The following IL1RAPL2 variants were observed in gnomAD, a reference collection of about 807,000 sequenced individuals.
IL1RAPL2 encodes the protein X-linked interleukin-1 receptor accessory protein-like 2.
IL1RAPL2 carries 3 observed loss-of-function variants against 44.1 expected under a neutral mutation model. The observed-to-expected ratio is 0.07, with a 90% CI of 0.03 to 0.18. The LOEUF is 0.18. IL1RAPL2 is among the 10% of genes least tolerant of loss of function. The pLI is 1.00. For synonymous variants in IL1RAPL2, 181 were observed against 178.8 expected, an observed-to-expected ratio of 1.01 and a Z score of -0.10; for missense variants, 391 against 496.4, an observed-to-expected ratio of 0.79 and a Z score of 2.02.
chrX:104,659,043 T>C, intron 2 of IL1RAPL2, 48 bp downstream of exon 2: 2 of 932,343 alleles, frequency 2.1e-6, no homozygotes, highest in South Asian at 4.2e-5. Flanking sequence ...TGTACAGTTT[T>C]GTGAGCACCC....
chrX:105,292,457 C>T (rs2034621241), intron 5 of IL1RAPL2, among the ~76,000 whole-genome samples: 1 of 111,796 alleles, frequency 8.9e-6, no homozygotes, highest in African/African-American at 3.2e-5. Flanking sequence ...AAAATACTTC[C>T]TTATTTTCCG....
intron 2 of IL1RAPL2, among the ~76,000 whole-genome samples, chrX:104,890,368 G>A (rs1467172849): frequency 2.7e-5 from 3 of 111,811 alleles, no homozygotes; most frequent in Non-Finnish European, 5.6e-5. Flanking sequence ...TTGAGGAATT[G>A]CCACACTGTC....
intron 2 of IL1RAPL2, among the ~76,000 whole-genome samples, chrX:105,076,433 T>C (rs1216876049): frequency 4.5e-5 from 5 of 111,982 alleles, no homozygotes; most frequent in African/African-American, 1.6e-4. Context: ...TCTGTTCTTT[T>C]ACATTTGCTG....
At chrX:105,457,033 TACACACACACACACACACACAC>T (rs58305468) in intron 5 of IL1RAPL2, among the ~76,000 whole-genome samples, 7 of 85,322 alleles carry the variant, frequency 8.2e-5, no homozygotes, top group African/African-American at 1.3e-4. Context: ...TCTAAAGTTA[TACACACACACACACACACACAC>T]ACACACACAC....
chrX:105,342,642 A>G (rs1215001221), intron 5 of IL1RAPL2, among the ~76,000 whole-genome samples: 1 of 112,184 alleles, frequency 8.9e-6, no homozygotes, highest in Non-Finnish European at 1.9e-5. Flanking sequence ...TTAATCATTA[A>G]TGAACCAGAC....
chrX:104,985,669 G>GAGACATTC (rs1379396097), intron 2 of IL1RAPL2, among the ~76,000 whole-genome samples: 1 of 111,625 alleles, frequency 9.0e-6, no homozygotes, highest in African/African-American at 3.3e-5. Flanking sequence ...CCAGAATTTA[G>GAGACATTC]TGAAGAGAGT....
At position 105,755,217 on chromosome X, in the gene IL1RAPL2, G is replaced by A. The variant is rs780633227; in HGVS notation, c.1233G>A (p.Val411=). 1 of 1,199,544 alleles carries A rather than the reference G, an allele frequency of 8.3e-7. No homozygotes were observed. The highest frequency in any genetic ancestry group is 1.8e-5 in the South Asian group (1 of 55,893). The change falls in exon 10 of 11, where the codon GTG becomes GTA. Residue 411 remains valine, a synonymous_variant. Transcript: ENST00000372582. ...EYDAYLSYTK[V]DQDTLDCDNP... ...ATGCCTATCTCTCTTACACAAAAGTGGACCAAGATACTTTAGACTGTGACA... is the reference window on the plus strand; with the variant it reads ...ATGCCTATCTCTCTTACACAAAAGTAGACCAAGATACTTTAGACTGTGACA...
At chrX:105,686,723 C>T (rs2037981167) in intron 6 of IL1RAPL2, among the ~76,000 whole-genome samples, 1 of 111,521 alleles carries the variant, frequency 9.0e-6, no homozygotes, top group Non-Finnish European at 1.9e-5. Flanking sequence ...ACAAGCAGAC[C>T]TAATAGACAT....
rs907707601 is a variant in IL1RAPL2 at position 105,525,368 on chromosome X, TCTAAC to T, written c.772+40984_772+40988del. 2.7e-5 allele frequency among the ~76,000 whole-genome samples: 3 copies of T among 110,885 alleles called. No homozygotes were observed. In the Admixed American group the frequency reaches 2.9e-4, roughly 11 times the overall value. ...TTACTCTGAATTGGTAAAAAAAAAA[TCTAAC>T]CTTTTAGTATAAGGCTTTGAAAATA... On this transcript the variant is annotated intron_variant, in intron 6 of 10. Coordinates refer to ENST00000372582, the MANE Select transcript of IL1RAPL2 (RefSeq NM_017416.2).
chrX:104,797,718 C>G (rs1932859379), intron 2 of IL1RAPL2, among the ~76,000 whole-genome samples: 1 of 112,046 alleles, frequency 8.9e-6, no homozygotes, highest in South Asian at 3.7e-4. Context: ...AACAAAGCCT[C>G]AAGTTAGAGA....
chrX:105,256,715 G>A (rs1473498074), intron 4 of IL1RAPL2, among the ~76,000 whole-genome samples: 1 of 111,266 alleles, frequency 9.0e-6, no homozygotes, highest in African/African-American at 3.3e-5. Flanking sequence ...TATGTGTCTA[G>A]GAAGTTACCC....
rs36119771 is a variant in IL1RAPL2 at position 104,718,737 on chromosome X, TA to T, written c.82+59744del. On this transcript the variant is annotated intron_variant, in intron 2 of 10. Transcript: ENST00000372582. ...TCTTTATAGCAGTGTGAAAACGGAC[TA>T]ATACAGTACCCATGGTATATGCAGC... is the stretch of plus-strand genomic sequence containing the variant. Among the ~76,000 whole-genome samples the T allele has an allele frequency of 1.7e-3, 193 of 111,653 alleles. 3 individuals carry two copies. In the East Asian group the frequency reaches 0.036, roughly 21 times the overall value.
chrX:104,803,472 A>G (rs1005882400), intron 2 of IL1RAPL2, among the ~76,000 whole-genome samples: 6 of 112,151 alleles, frequency 5.3e-5, no homozygotes, highest in African/African-American at 1.6e-4. Flanking sequence ...ATTGTGCACA[A>G]TGACAGCTAA....
intron 1 of IL1RAPL2, among the ~76,000 whole-genome samples, chrX:104,587,607 G>A (rs1165605244): frequency 8.9e-6 from 1 of 112,204 alleles, no homozygotes; most frequent in African/African-American, 3.2e-5. Flanking sequence ...TAAGACTGCT[G>A]ACATATTGTT....
intron 2 of IL1RAPL2, among the ~76,000 whole-genome samples, chrX:105,001,528 T>C (rs779267949): frequency 9.0e-6 from 1 of 111,699 alleles, no homozygotes; most frequent in Non-Finnish European, 1.9e-5. Flanking sequence ...ACCTGCTTTA[T>C]CATTGAGGTC....
Position 105,233,989 on chromosome X carries a change from T to A in IL1RAPL2, c.528T>A (p.Asp176Glu), listed in dbSNP as rs906257759. ...TTAAAAAGTCCGATCAGGAGCCTGA[T>A]GTTGTGTGGTATAAGGTAACTCAGC... ...DDFKKSDQEP[D>E]VVWYKECKPK... Residue 176 changes from aspartate (D) to glutamate (E), a missense_variant, in exon 4 of 11, where the codon GAT becomes GAA. Transcript: ENST00000372582. The A allele has an allele frequency of 8.3e-7, 1 of 1,207,059 alleles. No homozygotes were observed.
At chrX:104,850,329 C>T (rs1287240043) in intron 2 of IL1RAPL2, among the ~76,000 whole-genome samples, 2 of 111,308 alleles carry the variant, frequency 1.8e-5, no homozygotes, top group East Asian at 5.6e-4. Flanking sequence ...TCCAGATGAC[C>T]TTGAATTTTA....
chrX:105,098,299 A>C (rs1478514375), intron 2 of IL1RAPL2, among the ~76,000 whole-genome samples: 2 of 111,455 alleles, frequency 1.8e-5, no homozygotes, highest in Non-Finnish European at 3.8e-5. Flanking sequence ...TTTCTTCATC[A>C]GTCTCTTGCT....
chrX:104,844,230 T>C (rs1459989220), intron 2 of IL1RAPL2, among the ~76,000 whole-genome samples: 1 of 111,201 alleles, frequency 9.0e-6, no homozygotes, highest in Non-Finnish European at 1.9e-5. Flanking sequence ...ACATTAAAAA[T>C]AGAATAATTG....
Sources: gnomAD v4.1 joint callset for allele counts (sites outside exome capture counted in the v4.1 genomes callset) on GRCh38, gnomAD v4.1.1 for gene constraint, MANE v1.5 for transcripts, NCBI Gene and HGNC (gene_info 2026-07-23, HGNC 2026-07-21) for gene names.